The following UNCX variants were observed in gnomAD, a reference collection of about 807,000 sequenced individuals.
The protein encoded by UNCX is homeobox protein unc-4 homolog.
A neutral mutation model predicts 14.8 loss-of-function variants in UNCX; 4 were observed. The ratio of observed to expected loss-of-function variants is 0.27; its 90% CI spans 0.13 to 0.62. The LOEUF (loss-of-function observed/expected upper bound fraction) is 0.62, where lower values mean the gene tolerates loss of function less well. UNCX is among the 20% of genes least tolerant of loss of function. The probability of loss-of-function intolerance (pLI) is 0.86; values close to 1 mark genes in which losing one functional copy is unlikely to be tolerated. For missense variants in UNCX, 749 were observed against 786.8 expected, an observed-to-expected ratio of 0.95 and a Z score of 0.58; for synonymous variants, 459 against 395.8, an observed-to-expected ratio of 1.16 and a Z score of -1.90.
At chr7:1,235,112 T>C (rs1584082362) in intron 2 of UNCX, among the ~76,000 whole-genome samples, 1 of 152,198 alleles carries the variant, frequency 6.6e-6, no homozygotes, top group Admixed American at 6.5e-5. Flanking sequence ...TCCGGCCTGG[T>C]GGTCGCCTCT....
rs1439034885 is a variant in UNCX at position 1,233,351 on chromosome 7, G to C, written c.274+60G>C. 6 of 1,338,178 alleles carry C rather than the reference G, an allele frequency of 4.5e-6. No homozygotes were observed. Among genetic ancestry groups the C allele is most frequent in the Middle Eastern group, 5.6e-4 (2 of 3,592 alleles). 82.9% of individuals were successfully genotyped at this position (1,338,178 alleles called of 1,614,324 possible). On this transcript the variant is annotated intron_variant, in intron 1 of 2. Transcript: ENST00000316333. The surrounding 1 kb of genome is among the most constrained non-coding windows in gnomAD (Gnocchi z 5.3). Reference sequence around the variant, plus strand: ...CGGCTGGGGGCGGGGGCCCTGGTCCGGCCGAGGCGCTGGGGGGCCCGGGGC... The same window carrying C: ...CGGCTGGGGGCGGGGGCCCTGGTCCCGCCGAGGCGCTGGGGGGCCCGGGGC...
Position 1,236,169 on chromosome 7 carries a change from G to C in UNCX, c.788G>C (p.Gly263Ala). ...AAGGGCCCCGGAGCGCACGCCTCGG[G>C]CGCCGCGGGGACCGCGCCCGCCCCT... ...AAKGPGAHAS[G>A]AAGTAPAPPG... is the part of the protein sequence containing the mutation. Residue 263 changes from glycine to alanine, a missense_variant, in exon 3 of 3, where the codon GGC (glycine) becomes GCC (alanine). Around this residue, in one of 3 missense-constraint regions of UNCX, gnomAD observed 552 missense variants for 507.2 expected, o/e 1.09. Transcript: ENST00000316333. This position sits in a 1 kb window ranked among gnomAD's most constrained non-coding sequence, Gnocchi z 6.9. 8.3e-7 allele frequency: 1 copy of C among 1,203,822 alleles called. No individual in the cohort carries two copies. The highest frequency in any genetic ancestry group is 1.6e-5 in the African/African-American group (1 of 60,774). The allele number at this position is 1,203,822 out of a possible 1,614,324, so 74.6% of individuals were successfully genotyped here.
At chr7:1,234,714 C>CT (rs1035378566) in intron 2 of UNCX, among the ~76,000 whole-genome samples, 5 of 129,568 alleles carry the variant, frequency 3.9e-5, no homozygotes, top group African/African-American at 1.4e-4. Flanking sequence ...ACGATAATGA[C>CT]TAATTCTTAC....
Position 1,233,492 on chromosome 7 carries a change from C to G in UNCX, c.275-28C>G. The G allele has an allele frequency of 6.3e-7, 1 of 1,584,906 alleles. No individual in the cohort carries two copies. The highest frequency in any genetic ancestry group is 1.1e-5 in the South Asian group (1 of 88,424). ...GGTCGGGCCTGGGCCGGTGGCTGAG[C>G]CGCGCTGCGTCCTGTGACTGCCCGC... On this transcript the variant is annotated intron_variant, in intron 1 of 2. Coordinates refer to ENST00000316333, the MANE Select transcript of UNCX (RefSeq NM_001080461.3). The surrounding 1 kb of genome is among the most constrained non-coding windows in gnomAD (Gnocchi z 5.3).
chr7:1,236,581 G>T lies in UNCX; in HGVS notation c.1200G>T (p.Ala400=). The T allele has an allele frequency of 8.0e-7, 1 of 1,255,068 alleles. No homozygotes were observed. Among genetic ancestry groups the T allele is most frequent in the South Asian group, 2.0e-5 (1 of 51,134 alleles). The allele number at this position is 1,255,068 out of a possible 1,614,324, so 77.7% of individuals were successfully genotyped here. The change falls in exon 3 of 3, where the codon GCG becomes GCT. Residue 400 remains alanine, a synonymous_variant. Transcript: ENST00000316333. The surrounding 1 kb of genome is among the most constrained non-coding windows in gnomAD (Gnocchi z 6.9). ...LVPQAALKGG[A]GLEPAPKDAP... is the part of the protein sequence containing the mutation. ...CGCAGGCCGCGCTCAAGGGCGGCGC[G>T]GGCCTGGAGCCGGCGCCCAAGGACG...
Position 1,236,593 on chromosome 7 carries a change from GGCGCCCAAGGACGCGCCGCCC to G in UNCX, c.1219_1239del (p.Lys407_Pro413del). 1.7e-6 allele frequency: 2 copies of G among 1,185,418 alleles called. No homozygotes were observed. Among genetic ancestry groups the G allele is most frequent in the Non-Finnish European group, 2.1e-6 (2 of 958,274 alleles). The allele number at this position is 1,185,418 out of a possible 1,614,324, so 73.4% of individuals were successfully genotyped here. On this transcript the variant is annotated inframe_deletion, in exon 3 of 3. Coordinates refer to ENST00000316333, the MANE Select transcript of UNCX (RefSeq NM_001080461.3). The surrounding 1 kb of genome is among the most constrained non-coding windows in gnomAD (Gnocchi z 6.9). ...TCAAGGGCGGCGCGGGCCTGGAGCC[GGCGCCCAAGGACGCGCCGCCC>G]GCGCCCGCCGTGCCGCCCGCGCCGC...
At chr7:1,234,072 G>A (rs1440333539) in intron 2 of UNCX, among the ~76,000 whole-genome samples, 1 of 148,354 alleles carries the variant, frequency 6.7e-6, no homozygotes, top group Non-Finnish European at 1.5e-5. Flanking sequence ...AGAGAGGGAA[G>A]GGGACCCCCC....
rs1013059730 is a variant in UNCX, at chr7:1,233,421, C to G, written c.275-99C>G. The G allele has an allele frequency of 1.7e-5, 23 of 1,376,074 alleles. No individual in the cohort carries two copies. The highest frequency in any genetic ancestry group is 2.1e-5 in the Non-Finnish European group (22 of 1,068,186). 85.2% of individuals were successfully genotyped at this position (1,376,074 alleles called of 1,614,324 possible). ...CCTAGGCGGCCGTCTCTGCGCCCCC[C>G]CCCCCGGATCCAGGCGGCCAGCGGG... On this transcript the variant is annotated intron_variant, in intron 1 of 2. Coordinates refer to ENST00000316333, the MANE Select transcript of UNCX (RefSeq NM_001080461.3). This position sits in a 1 kb window ranked among gnomAD's most constrained non-coding sequence, Gnocchi z 5.3.
At position 1,233,459 on chromosome 7, in the gene UNCX, G is replaced by A. The variant is rs1778683972; in HGVS notation, c.275-61G>A. Reference sequence around the variant, plus strand: ...GGCGGCCAGCGGGTAGCGGGAGGGAGGGGTGGGGGTCGGGCCTGGGCCGGT... The same window carrying A: ...GGCGGCCAGCGGGTAGCGGGAGGGAAGGGTGGGGGTCGGGCCTGGGCCGGT... On this transcript the variant is annotated intron_variant, in intron 1 of 2. Coordinates refer to ENST00000316333, the MANE Select transcript of UNCX (RefSeq NM_001080461.3). The surrounding 1 kb of genome is among the most constrained non-coding windows in gnomAD (Gnocchi z 5.3). 2 of 1,446,330 alleles carry A rather than the reference G, an allele frequency of 1.4e-6. No individual in the cohort carries two copies. The highest frequency in any genetic ancestry group is 1.8e-6 in the Non-Finnish European group (2 of 1,100,606). The allele number at this position is 1,446,330 out of a possible 1,614,324, so 89.6% of individuals were successfully genotyped here.
chr7:1,236,713 C>G lies in UNCX; in HGVS notation c.1332C>G (p.Pro444=), dbSNP rs889756669. ...ACTCGGCCTTCGCGCGTCGCAGCCC[C>G]GACGCCGTCGCCTCCCCGGGGGCCC... The part of the protein sequence containing the change: ...APDSAFARRS[P]DAVASPGAPA... The change falls in exon 3 of 3, where the codon CCC becomes CCG. Residue 444 remains proline (P), a synonymous_variant. Transcript: ENST00000316333. This position sits in a 1 kb window ranked among gnomAD's most constrained non-coding sequence, Gnocchi z 6.9. 24 of 995,988 alleles carry G rather than the reference C, an allele frequency of 2.4e-5. 1 individual carries two copies. In the African/African-American group the frequency reaches 2.5e-4, roughly 10 times the overall value. The allele number at this position is 995,988 out of a possible 1,614,324, so 61.7% of individuals were successfully genotyped here.
In UNCX at chr7:1,233,471, G is replaced by T; in HGVS notation, c.275-49G>T. 1 of 1,484,830 alleles carries T rather than the reference G, an allele frequency of 6.7e-7. No individual in the cohort carries two copies. Among genetic ancestry groups the T allele is most frequent in the East Asian group, 2.8e-5 (1 of 35,892 alleles). 92.0% of individuals were successfully genotyped at this position (1,484,830 alleles called of 1,614,324 possible). On this transcript the variant is annotated intron_variant, in intron 1 of 2. Transcript: ENST00000316333. The surrounding 1 kb of genome is among the most constrained non-coding windows in gnomAD (Gnocchi z 5.3). ...GTAGCGGGAGGGAGGGGTGGGGGTCGGGCCTGGGCCGGTGGCTGAGCCGCG... is the reference window on the plus strand; with the variant it reads ...GTAGCGGGAGGGAGGGGTGGGGGTCTGGCCTGGGCCGGTGGCTGAGCCGCG...
Position 1,233,383 on chromosome 7 carries a change from A to C in UNCX, c.274+92A>C. 8.0e-7 allele frequency: 1 copy of C among 1,246,356 alleles called. No homozygotes were observed. The highest frequency in any genetic ancestry group is 1.0e-6 in the Non-Finnish European group (1 of 992,996). The allele number at this position is 1,246,356 out of a possible 1,614,324, so 77.2% of individuals were successfully genotyped here. On this transcript the variant is annotated intron_variant, in intron 1 of 2. Coordinates refer to ENST00000316333, the MANE Select transcript of UNCX (RefSeq NM_001080461.3). This position sits in a 1 kb window ranked among gnomAD's most constrained non-coding sequence, Gnocchi z 5.3. ...GCGCTGGGGGGCCCGGGGCTGGCGAAGGAGAGCCGGCTCCTAGGCGGCCGT... is the reference window on the plus strand; with the variant it reads ...GCGCTGGGGGGCCCGGGGCTGGCGACGGAGAGCCGGCTCCTAGGCGGCCGT...
rs1343403000 is a variant in UNCX, at chr7:1,233,087, T to C, written c.70T>C (p.Phe24Leu). The stretch of plus-strand genomic sequence containing the variant: ...GGGCTCGCTGGGCGGCGTGGTGGGC[T>C]TCCCCTACCCGCTGGGCCACCACCA... ...FGGSLGGVVG[F>L]PYPLGHHHVY... Residue 24 changes from phenylalanine (F) to leucine (L), a missense_variant, in exon 1 of 3, where the codon TTC (phenylalanine) becomes CTC (leucine). Phe to Leu is a conservative substitution (Grantham distance 22, BLOSUM62 0). Around this residue, in one of 3 missense-constraint regions of UNCX, gnomAD observed 155 missense variants for 166.7 expected, o/e 0.93. Transcript: ENST00000316333. This position sits in a 1 kb window ranked among gnomAD's most constrained non-coding sequence, Gnocchi z 5.3. 1 of 1,448,372 alleles carries C rather than the reference T, an allele frequency of 6.9e-7. No homozygotes were observed. The highest frequency in any genetic ancestry group is 9.1e-7 in the Non-Finnish European group (1 of 1,101,600). The allele number at this position is 1,448,372 out of a possible 1,614,324, so 89.7% of individuals were successfully genotyped here.
rs1778690406 is a variant in UNCX, at chr7:1,233,815, G to T, written c.450+120G>T. On this transcript the variant is annotated intron_variant, in intron 2 of 2. Coordinates refer to ENST00000316333, the MANE Select transcript of UNCX (RefSeq NM_001080461.3). The surrounding 1 kb of genome is among the most constrained non-coding windows in gnomAD (Gnocchi z 5.3). ...CTTGCCGCGGGCCCGCTTCGCGCTC[G>T]CCTGCTGGGGAAGAGTGGAGGGGTG... 7.8e-7 allele frequency: 1 copy of T among 1,281,416 alleles called. No homozygotes were observed. Among genetic ancestry groups the T allele is most frequent in the Non-Finnish European group, 1.0e-6 (1 of 955,692 alleles). 79.4% of individuals were successfully genotyped at this position (1,281,416 alleles called of 1,614,324 possible).
rs1194560314 is a variant in UNCX, at chr7:1,233,256, G to A, written c.239G>A (p.Gly80Glu). The part of the protein sequence containing the change: ...NPTPLLPAAC[G>E]VGGDGQPFKL... Reference sequence around the variant, plus strand: ...ACGCCGCTGCTGCCAGCCGCCTGCGGGGTCGGCGGGGACGGCCAGCCCTTC... The same window carrying A: ...ACGCCGCTGCTGCCAGCCGCCTGCGAGGTCGGCGGGGACGGCCAGCCCTTC... Residue 80 changes from glycine to glutamate, a missense_variant, in exon 1 of 3, where the codon GGG becomes GAG. By Grantham distance (98) the Gly-to-Glu change is moderately conservative. Around this residue, in one of 3 missense-constraint regions of UNCX, gnomAD observed 155 missense variants for 166.7 expected, o/e 0.93. Transcript: ENST00000316333. This position sits in a 1 kb window ranked among gnomAD's most constrained non-coding sequence, Gnocchi z 5.3. The A allele has an allele frequency of 2.2e-6, 3 of 1,353,484 alleles. No individual in the cohort carries two copies. The highest frequency in any genetic ancestry group is 2.8e-6 in the Non-Finnish European group (3 of 1,060,120). 83.8% of individuals were successfully genotyped at this position (1,353,484 alleles called of 1,614,324 possible).
chr7:1,233,756 G>A lies in UNCX; in HGVS notation c.450+61G>A. Reference sequence around the variant, plus strand: ...GGACCCCAGGCTCTGGGCGCGCCGGGACGCCTTTGTTCCAGGTGGCGAGAT... The same window carrying A: ...GGACCCCAGGCTCTGGGCGCGCCGGAACGCCTTTGTTCCAGGTGGCGAGAT... On this transcript the variant is annotated intron_variant, in intron 2 of 2. Transcript: ENST00000316333. This position sits in a 1 kb window ranked among gnomAD's most constrained non-coding sequence, Gnocchi z 5.3. The A allele has an allele frequency of 6.5e-7, 1 of 1,544,398 alleles. No individual in the cohort carries two copies. The highest frequency in any genetic ancestry group is 8.7e-7 in the Non-Finnish European group (1 of 1,142,870).
At chr7:1,235,101 T>G (rs1778713349) in intron 2 of UNCX, among the ~76,000 whole-genome samples, 2 of 152,196 alleles carry the variant, frequency 1.3e-5, no homozygotes, top group South Asian at 4.1e-4. Flanking sequence ...CAGCCTCTCC[T>G]TCCGGCCTGG....
Position 1,236,915 on chromosome 7 carries a change from C to T in UNCX, c.1534C>T (p.Pro512Ser). The change falls in exon 3 of 3, where the codon CCC (proline) becomes TCC (serine). Residue 512 changes from proline (P) to serine (S), a missense_variant. Pro to Ser is a moderately conservative substitution (Grantham distance 74). Around this residue, in one of 3 missense-constraint regions of UNCX, gnomAD observed 552 missense variants for 507.2 expected, o/e 1.09. Coordinates refer to ENST00000316333, the MANE Select transcript of UNCX (RefSeq NM_001080461.3). This position sits in a 1 kb window ranked among gnomAD's most constrained non-coding sequence, Gnocchi z 6.9. ...PAEEPATCGV[P>S]EPGAAAGPSP... ...CGAGGAGCCGGCCACCTGCGGGGTT[C>T]CCGAGCCTGGCGCGGCGGCCGGACC... 3.4e-6 allele frequency: 4 copies of T among 1,178,606 alleles called. No homozygotes were observed. Among genetic ancestry groups the T allele is most frequent in the Non-Finnish European group, 3.1e-6 (3 of 954,046 alleles). The allele number at this position is 1,178,606 out of a possible 1,614,324, so 73.0% of individuals were successfully genotyped here.
chr7:1,236,589 A>AGCCGGCGCCCAAGGACGCGCC lies in UNCX; in HGVS notation c.1212_1232dup (p.Lys407_Pro413dup). The AGCCGGCGCCCAAGGACGCGCC allele has an allele frequency of 8.4e-7, 1 of 1,192,680 alleles. No individual in the cohort carries two copies. The highest frequency in any genetic ancestry group is 4.6e-5 in the East Asian group (1 of 21,842). 73.9% of individuals were successfully genotyped at this position (1,192,680 alleles called of 1,614,324 possible). On this transcript the variant is annotated inframe_insertion, in exon 3 of 3. Transcript: ENST00000316333. The surrounding 1 kb of genome is among the most constrained non-coding windows in gnomAD (Gnocchi z 6.9). ...GCGCTCAAGGGCGGCGCGGGCCTGG[A>AGCCGGCGCCCAAGGACGCGCC]GCCGGCGCCCAAGGACGCGCCGCCC...
Sources: allele counts gnomAD v4.1 joint callset (sites outside exome capture counted in the v4.1 genomes callset), GRCh38; gene constraint gnomAD v4.1.1; regional missense constraint gnomAD v4.1.1; non-coding constraint Gnocchi (gnomAD v3.1); transcripts MANE v1.5; gene names NCBI Gene and HGNC (gene_info 2026-07-23, HGNC 2026-07-21).